GALNT11: variants seen among roughly 807,000 people sequenced by gnomAD.
GALNT11 encodes the protein polypeptide N-acetylgalactosaminyltransferase 11.
A neutral mutation model predicts 72.7 loss-of-function variants in GALNT11; 47 were observed. The observed-to-expected ratio is 0.65, with a 90% CI of 0.51 to 0.82. GALNT11 has a LOEUF of 0.82. Ranked by LOEUF, GALNT11 falls within the 40% of genes least tolerant of loss-of-function variation. The pLI, the probability that GALNT11 is intolerant of heterozygous loss-of-function variation, is 0.00. For missense variants in GALNT11, 677 were observed against 778.4 expected (o/e 0.87, Z 1.55); for synonymous variants, 270 against 286.6 (o/e 0.94, Z 0.58).
intron 1 of GALNT11, among the ~76,000 whole-genome samples, chr7:152,048,712 A>G (rs960578045): frequency 6.6e-6 from 1 of 151,638 alleles, no homozygotes; most frequent in Non-Finnish European, 1.5e-5. Context: ...TTGTATTTTT[A>G]GTAGAGACGG....
chr7:152,084,793 A>G (rs1459787712), intron 1 of GALNT11, among the ~76,000 whole-genome samples: 1 of 152,202 alleles, frequency 6.6e-6, no homozygotes, highest in Non-Finnish European at 1.5e-5. Context: ...CGCTATGCTA[A>G]ATATATGGGG....
intron 2 of GALNT11, 127 bp from the exon 3 acceptor site, chr7:152,100,670 TA>T: frequency 8.4e-7 from 1 of 1,191,962 alleles, no homozygotes; most frequent in Non-Finnish European, 1.2e-6. Flanking sequence ...AGAGACAACC[TA>T]AGTTTGAGAA....
intron 1 of GALNT11, among the ~76,000 whole-genome samples, chr7:152,028,463 C>G (rs1243764501): frequency 6.6e-6 from 1 of 152,156 alleles, no homozygotes; most frequent in Non-Finnish European, 1.5e-5. Flanking sequence ...GTTAGCTAGT[C>G]ACAGAGCACT....
intron 2 of GALNT11, among the ~76,000 whole-genome samples, chr7:152,100,212 T>TA (rs1418466916): frequency 2.0e-5 from 3 of 152,098 alleles, no homozygotes. Context: ...TGGAAAATTA[T>TA]AAAAATTTTT....
At chr7:152,112,310 G>A (rs1432680656) in intron 7 of GALNT11, among the ~76,000 whole-genome samples, 3 of 152,226 alleles carry the variant, frequency 2.0e-5, no homozygotes, top group Non-Finnish European at 4.4e-5. Context: ...GGAGGCCAAG[G>A]TGGGCTGATC....
intron 1 of GALNT11, among the ~76,000 whole-genome samples, chr7:152,043,556 CAG>C (rs1165439855): frequency 3.3e-5 from 5 of 152,160 alleles, no homozygotes; most frequent in East Asian, 1.9e-4. Context: ...TGTACTCTAA[CAG>C]GGAACTGCCA....
In GALNT11 at chr7:152,115,845, T is replaced by A. The variant is rs181060642; in HGVS notation, c.1234-1312T>A. The stretch of plus-strand genomic sequence containing the variant: ...GCCGAGGCAGGAGGATCACCTGAGG[T>A]CGGGAGTTTGAGACCAGCCTGACCA... On this transcript the variant is annotated intron_variant, in intron 8 of 11. Coordinates refer to ENST00000430044, the MANE Select transcript of GALNT11 (RefSeq NM_022087.4). Among the ~76,000 whole-genome samples, 1,074 of 151,968 alleles carry A rather than the reference T, an allele frequency of 7.1e-3. 14 individuals are homozygous for A. Among genetic ancestry groups the A allele is most frequent in the Middle Eastern group, 0.024 (7 of 294 alleles).
chr7:152,099,756 CTTTTTTTTTTT>C (rs959548417), intron 2 of GALNT11, among the ~76,000 whole-genome samples: 2 of 88,728 alleles, frequency 2.3e-5, no homozygotes, highest in African/African-American at 4.9e-5. Flanking sequence ...AACTGTGAAG[CTTTTTTTTTTT>C]TTTTTTTTTT....
intron 1 of GALNT11, among the ~76,000 whole-genome samples, chr7:152,063,841 T>A (rs1023934896): frequency 3.3e-5 from 5 of 152,334 alleles, no homozygotes; most frequent in Non-Finnish European, 5.9e-5. Flanking sequence ...TTCTTATAAT[T>A]TCTGTTCTTT....
chr7:152,112,203 CCTT>C (rs1291769719), intron 7 of GALNT11, among the ~76,000 whole-genome samples: 29 of 152,272 alleles, frequency 1.9e-4, no homozygotes, highest in Admixed American at 1.4e-3. Context: ...GTTCATATGT[CCTT>C]CTGTATTTCT....
At position 152,108,409 on chromosome 7, in the gene GALNT11, T is replaced by A. The variant is rs372080406; in HGVS notation, c.962+122T>A. On this transcript the variant is annotated intron_variant, in intron 6 of 11. Transcript: ENST00000430044. The stretch of plus-strand genomic sequence containing the variant: ...AAAAGTGTTAGACTTAATTTGTACG[T>A]TAAAAATTCTTGAGTACGTATTGAA... 76 of 1,418,302 alleles carry A rather than the reference T, an allele frequency of 5.4e-5. 2 individuals carry two copies. The highest frequency in any genetic ancestry group is 4.2e-4 in the East Asian group (18 of 43,016). The allele number at this position is 1,418,302 out of a possible 1,614,324, so 87.9% of individuals were successfully genotyped here.
chr7:152,121,113 A>G (rs1336025045), intron 11 of GALNT11, 145 bp downstream of exon 11: 3 of 898,292 alleles, frequency 3.3e-6, no homozygotes, highest in East Asian at 5.3e-5. Flanking sequence ...CACAGGTAGT[A>G]CAAACCCTGT....
chr7:152,090,281 A>T lies in GALNT11; in HGVS notation c.-38-3909A>T, dbSNP rs1345019543. Among the ~76,000 whole-genome samples, 3 of 152,330 alleles carry T rather than the reference A, an allele frequency of 2.0e-5. No homozygotes were observed. In the East Asian group the frequency reaches 5.8e-4, roughly 29 times the overall value. ...TTTTATTAATTTTACTGATCTTTTAAAGAACCAGCATTTGGCTTCTGTTGT... is the reference window on the plus strand; with the variant it reads ...TTTTATTAATTTTACTGATCTTTTATAGAACCAGCATTTGGCTTCTGTTGT... On this transcript the variant is annotated intron_variant, in intron 1 of 11. Transcript: ENST00000430044.
chr7:152,066,153 C>A (rs1360079076), intron 1 of GALNT11, among the ~76,000 whole-genome samples: 1 of 152,232 alleles, frequency 6.6e-6, no homozygotes, highest in South Asian at 2.1e-4. Flanking sequence ...ACCCCTCCCC[C>A]AGCCTCGCTG....
intron 1 of GALNT11, among the ~76,000 whole-genome samples, chr7:152,046,613 T>C (rs1323505276): frequency 6.6e-6 from 1 of 152,322 alleles, no homozygotes; most frequent in East Asian, 1.9e-4. Flanking sequence ...ATATAGCTAC[T>C]CCTGCTCTTT....
chr7:152,107,779 G>A (rs1320276752), intron 5 of GALNT11: 5 of 328,490 alleles, frequency 1.5e-5, no homozygotes, highest in Admixed American at 4.3e-5. Context: ...TGAATTGCCT[G>A]TCAGTTTTTT....
chr7:152,113,261 G>A lies in GALNT11; in HGVS notation c.1096G>A (p.Gly366Ser), dbSNP rs540817451. ...EISFRIWMCGGKLFIIPCSRV... is the reference protein window; with the variant it reads ...EISFRIWMCGSKLFIIPCSRV... ...TTCTGGCCAGATCTGGATGTGTGGC[G>A]GTAAGCTCTTCATCATCCCTTGCTC... Residue 366 changes from glycine to serine, a missense_variant, in exon 8 of 12, where the codon GGT becomes AGT. Gly to Ser is a moderately conservative substitution (Grantham distance 56). Transcript: ENST00000430044. 37 of 1,612,942 alleles carry A rather than the reference G, an allele frequency of 2.3e-5. No homozygotes were observed. Among genetic ancestry groups the A allele is most frequent in the South Asian group, 4.4e-5 (4 of 90,832 alleles).
Position 152,108,174 on chromosome 7 carries a change from C to G in GALNT11, c.849C>G (p.Ala283=), listed in dbSNP as rs748735399. ...VIDIISADTL[A]YSSSPVVRGG... ...ACATCATCAGCGCCGACACGCTGGC[C>G]TACAGCTCGTCCCCTGTCGTCCGCG... is the stretch of plus-strand genomic sequence containing the variant. The change falls in exon 6 of 12, where the codon GCC becomes GCG. Residue 283 remains alanine (A), a synonymous_variant. Transcript: ENST00000430044. The G allele has an allele frequency of 6.2e-7, 1 of 1,614,184 alleles. No homozygotes were observed. The highest frequency in any genetic ancestry group is 2.2e-5 in the East Asian group (1 of 44,886).
intron 5 of GALNT11, chr7:152,107,482 C>T (rs760356931): frequency 3.9e-5 from 6 of 152,054 alleles, no homozygotes; most frequent in South Asian, 2.1e-4. Context: ...TCCCTCTCTC[C>T]GGGGAGAACT....
Sources: allele counts gnomAD v4.1 joint callset (sites outside exome capture counted in the v4.1 genomes callset), GRCh38; gene constraint gnomAD v4.1.1; transcripts MANE v1.5; gene names NCBI Gene and HGNC (gene_info 2026-07-23, HGNC 2026-07-21).